BCLAF1: variants seen among roughly 807,000 people sequenced by gnomAD.
The protein encoded by BCLAF1 is BCL2 associated transcription factor 1.
In BCLAF1, 10 loss-of-function variants were observed where a neutral mutation model predicts 99.5. The ratio of observed to expected loss-of-function variants is 0.10; its 90% CI spans 0.06 to 0.17. The LOEUF (loss-of-function observed/expected upper bound fraction) is 0.17, where lower values mean the gene tolerates loss of function less well. Among genes scored for constraint, BCLAF1 ranks in the 10% least tolerant of loss-of-function variants. The pLI is 1.00. For synonymous variants in BCLAF1, 255 were observed against 370.9 expected (o/e 0.69, Z 3.59); for missense variants, 636 against 1,105.8 (o/e 0.58, Z 6.02).
intron 4 of BCLAF1, among the ~76,000 whole-genome samples, chr6:136,277,523 G>T (rs1010989373): frequency 5.7e-4 from 86 of 152,204 alleles, no homozygotes; most frequent in African/African-American, 2.0e-3. Context: ...TAGAAATTAG[G>T]TTTTTTTAAT....
chr6:136,285,009 G>C (rs1389374554), intron 1 of BCLAF1, among the ~76,000 whole-genome samples: 2 of 152,044 alleles, frequency 1.3e-5, no homozygotes, highest in Non-Finnish European at 1.5e-5. Flanking sequence ...AGCAAATTCA[G>C]GACAGAAAGA....
In BCLAF1 at chr6:136,267,133, C is replaced by T; in HGVS notation, c.2440G>A (p.Gly814Arg). 1 of 1,612,916 alleles carries T rather than the reference C, an allele frequency of 6.2e-7. No homozygotes were observed. The highest frequency in any genetic ancestry group is 8.5e-7 in the Non-Finnish European group (1 of 1,179,238). ...GRGRARGVFA[G>R]TNTGPNNSNT... ...GAGTTGTTTGGACCAGTATTTGTCC[C>T]AGCAAAAACTCCTCTGGCTCTTCCT... The change falls in exon 11 of 13, where the codon GGG (glycine) becomes AGG (arginine). Residue 814 changes from glycine to arginine, a missense_variant. Gly to Arg is a moderately radical substitution (Grantham distance 125). Coordinates refer to ENST00000531224, the MANE Select transcript of BCLAF1 (RefSeq NM_014739.3).
intron 11 of BCLAF1, among the ~76,000 whole-genome samples, chr6:136,263,462 G>C (rs577771373): frequency 2.0e-5 from 3 of 152,098 alleles, no homozygotes; most frequent in Admixed American, 2.0e-4. Context: ...TGAGATTTTT[G>C]ATGCTAAACA....
rs2128461925 is a variant in BCLAF1, at chr6:136,258,453, G to A, written c.*2657C>T. The stretch of plus-strand genomic sequence containing the variant: ...CAAAACAAAAAAACAGTAAAGAAAG[G>A]TTTGAGGGAGTTTATAAAGCATTTA... On this transcript the variant is annotated 3_prime_UTR_variant, in exon 13 of 13. Transcript: ENST00000531224. The A allele has an allele frequency of 6.6e-6, 1 of 152,438 alleles. No individual in the cohort carries two copies. Among genetic ancestry groups the A allele is most frequent in the East Asian group, 1.9e-4 (1 of 5,186 alleles). The allele number at this position is 152,438 out of a possible 1,614,324, so 9.4% of individuals were successfully genotyped here.
chr6:136,271,129 T>C (rs766587938), intron 8 of BCLAF1, among the ~76,000 whole-genome samples: 5 of 151,780 alleles, frequency 3.3e-5, no homozygotes, highest in Non-Finnish European at 7.4e-5. Flanking sequence ...AACCCAATTA[T>C]TCAACAACTC....
intron 1 of BCLAF1, among the ~76,000 whole-genome samples, chr6:136,288,315 G>A (rs891573042): frequency 3.9e-5 from 6 of 152,152 alleles, no homozygotes; most frequent in Non-Finnish European, 8.8e-5. Context: ...GCAGTGGGAC[G>A]AGCACAGCTC....
At chr6:136,285,321 A>T (rs1220514310) in intron 1 of BCLAF1, among the ~76,000 whole-genome samples, 5 of 152,220 alleles carry the variant, frequency 3.3e-5, no homozygotes, top group South Asian at 2.1e-4. Context: ...GAGTGAGGAA[A>T]AATGAAAAAT....
chr6:136,282,073 C>T (rs977680707), intron 2 of BCLAF1, among the ~76,000 whole-genome samples: 1 of 152,188 alleles, frequency 6.6e-6, no homozygotes, highest in African/African-American at 2.4e-5. Context: ...ATGGTCTCTG[C>T]ATTTAAACTA....
Position 136,259,626 on chromosome 6 carries a change from G to C in BCLAF1, c.*1484C>G, listed in dbSNP as rs1218612738. ...GGGCCATAAACATCACATATGTTGA[G>C]TTTGCTTTTAGTTTTGTTTCCAACA... On this transcript the variant is annotated 3_prime_UTR_variant, in exon 13 of 13. Transcript: ENST00000531224. 1.3e-5 allele frequency: 2 copies of C among 151,998 alleles called. No individual in the cohort carries two copies. Among genetic ancestry groups the C allele is most frequent in the Non-Finnish European group, 2.9e-5 (2 of 67,872 alleles). 9.4% of individuals were successfully genotyped at this position (151,998 alleles called of 1,614,324 possible).
At chr6:136,279,303 G>A (rs183099892) in intron 3 of BCLAF1, among the ~76,000 whole-genome samples, 31 of 152,088 alleles carry the variant, frequency 2.0e-4, no homozygotes, top group African/African-American at 6.7e-4. Context: ...TCTGGTTTCT[G>A]TTTTCTATGC....
intron 11 of BCLAF1, among the ~76,000 whole-genome samples, chr6:136,262,374 A>C (rs3799397): frequency 0.015 from 2,356 of 152,250 alleles, 40 homozygotes; most frequent in African/African-American, 0.037. Context: ...TGCAAACAAA[A>C]TGTTGTGTAA....
chr6:136,269,914 T>C (rs1256122667), intron 8 of BCLAF1: 1 of 211,030 alleles, frequency 4.7e-6, no homozygotes. Flanking sequence ...CAGTAAATGA[T>C]ACAAATATTT....
chr6:136,266,961 A>G, intron 11 of BCLAF1, 68 bp downstream of exon 11: 1 of 1,553,166 alleles, frequency 6.4e-7, no homozygotes, highest in Non-Finnish European at 8.8e-7. Context: ...ATCTGTACTC[A>G]AATTTATTCA....
At chr6:136,287,984 C>A (rs1335298717) in intron 1 of BCLAF1, among the ~76,000 whole-genome samples, 1 of 152,196 alleles carries the variant, frequency 6.6e-6, no homozygotes, top group East Asian at 1.9e-4. Context: ...TGGGCCACTG[C>A]ACTCCTGCCT....
At chr6:136,264,657 T>C (rs536730489) in intron 11 of BCLAF1, among the ~76,000 whole-genome samples, 49 of 152,314 alleles carry the variant, frequency 3.2e-4, no homozygotes, top group African/African-American at 1.2e-3. Flanking sequence ...TTCCTTTACA[T>C]ATAAGATACA....
Position 136,256,851 on chromosome 6 carries a change from T to A in BCLAF1, c.*4259A>T, listed in dbSNP as rs369966291. 2.0e-5 allele frequency: 3 copies of A among 152,216 alleles called. No homozygotes were observed. The highest frequency in any genetic ancestry group is 7.2e-5 in the African/African-American group (3 of 41,448). 9.4% of individuals were successfully genotyped at this position (152,216 alleles called of 1,614,324 possible). On this transcript the variant is annotated 3_prime_UTR_variant, in exon 13 of 13. Coordinates refer to ENST00000531224, the MANE Select transcript of BCLAF1 (RefSeq NM_014739.3). ...GTGAAGGACTCAAGGTAGCAAATAA[T>A]CCACTATTCTGGAGGGTGAGTGGTA...
intron 6 of BCLAF1, 39 bp from the exon 7 acceptor site, chr6:136,273,226 T>C (rs746027145): frequency 1.3e-6 from 2 of 1,551,082 alleles, no homozygotes; most frequent in Admixed American, 3.5e-5. Context: ...TTAGTTAACT[T>C]TACTTTAAGA....
At chr6:136,268,410 A>G (rs1440301326) in intron 9 of BCLAF1, 71 bp from the exon 10 acceptor site, 17 of 1,361,100 alleles carry the variant, frequency 1.2e-5, no homozygotes, top group Non-Finnish European at 1.6e-5. Flanking sequence ...CTTACAACAG[A>G]AGAGATATTT....
intron 6 of BCLAF1, chr6:136,274,233 C>CTA: frequency 8.8e-7 from 1 of 1,134,856 alleles, no homozygotes. Context: ...ATTTTCAGCT[C>CTA]TATATAAAGT....
Sources: gnomAD v4.1 joint callset for allele counts (sites outside exome capture counted in the v4.1 genomes callset) on GRCh38, gnomAD v4.1.1 for gene constraint, MANE v1.5 for transcripts, NCBI Gene and HGNC (gene_info 2026-07-23, HGNC 2026-07-21) for gene names.